Variants in CNTN4 observed in about 807,000 individuals in gnomAD.
The protein encoded by CNTN4 is contactin 4, also known as contactin-4.
A neutral mutation model predicts 122.5 loss-of-function variants in CNTN4; 77 were observed. The ratio of observed to expected loss-of-function variants is 0.63; its 90% CI spans 0.52 to 0.76. The LOEUF (loss-of-function observed/expected upper bound fraction) is 0.76. Ranked by LOEUF, CNTN4 falls within the 30% of genes least tolerant of loss-of-function variation. The probability of loss-of-function intolerance (pLI) is 0.00; values close to 1 mark genes in which losing one functional copy is unlikely to be tolerated. For missense variants in CNTN4, 1,256 were observed against 1,259.1 expected (o/e 1.00, Z 0.04); for synonymous variants, 512 against 447.0 (o/e 1.15, Z -1.83).
intron 4 of CNTN4, among the ~76,000 whole-genome samples, chr3:2,601,675 C>T (rs1366806667): frequency 6.6e-6 from 1 of 152,074 alleles, no homozygotes; most frequent in Non-Finnish European, 1.5e-5. Flanking sequence ...CTTAGGATTG[C>T]CTTGGCAATG....
intron 3 of CNTN4, among the ~76,000 whole-genome samples, chr3:2,499,589 T>C: frequency 6.6e-6 from 1 of 152,174 alleles, no homozygotes; most frequent in East Asian, 1.9e-4. Context: ...TATTCATTGA[T>C]CTATGTGTCT....
rs1028223644 is a variant in CNTN4 at position 3,043,605 on chromosome 3, C to A, written c.2712C>A (p.Pro904=). Residue 904 remains proline, a synonymous_variant, in exon 23 of 25, where the codon CCC becomes CCA. Transcript: ENST00000418658. ...ATTTTTTTATAGCACCAAGTCAACC[C>A]CCCGGAAACATCATATGGAATTCAT... ...VTTRKPPPSQ[P]PGNIIWNSSD... 5 of 1,613,262 alleles carry A rather than the reference C, an allele frequency of 3.1e-6. No individual in the cohort carries two copies. In the African/African-American group the frequency reaches 4.0e-5, roughly 13 times the overall value.
intron 2 of CNTN4, among the ~76,000 whole-genome samples, chr3:2,291,606 T>A (rs1201759699): frequency 6.6e-6 from 1 of 152,070 alleles, no homozygotes; most frequent in African/African-American, 2.4e-5. Context: ...AATATAAAAT[T>A]ATTAAAGGAT....
At chr3:2,480,544 T>C (rs763305751) in intron 3 of CNTN4, among the ~76,000 whole-genome samples, 1 of 152,210 alleles carries the variant, frequency 6.6e-6, no homozygotes, top group Non-Finnish European at 1.5e-5. Flanking sequence ...TGATATACTT[T>C]GATATAAATT....
At chr3:3,045,001 G>A (rs1168527351) in intron 23 of CNTN4, among the ~76,000 whole-genome samples, 1 of 152,194 alleles carries the variant, frequency 6.6e-6, no homozygotes, top group African/African-American at 2.4e-5. Flanking sequence ...CCCATGCCCG[G>A]CTCAGAGGGT....
At chr3:2,179,097 T>A (rs993844560) in intron 2 of CNTN4, among the ~76,000 whole-genome samples, 1 of 152,090 alleles carries the variant, frequency 6.6e-6, no homozygotes, top group African/African-American at 2.4e-5. Context: ...ATTATAAATG[T>A]CCTGTTATCA....
intron 2 of CNTN4, among the ~76,000 whole-genome samples, chr3:2,156,527 A>T (rs796351226): frequency 4.6e-5 from 7 of 152,218 alleles, no homozygotes; most frequent in African/African-American, 1.7e-4. Context: ...TCCATTACGC[A>T]TGTGGGACAT....
chr3:2,886,555 A>G (rs2093981833), intron 9 of CNTN4, among the ~76,000 whole-genome samples: 1 of 137,748 alleles, frequency 7.3e-6, no homozygotes, highest in South Asian at 2.4e-4. Context: ...TCTGTCGCCC[A>G]GGCTGGAGTG....
At chr3:2,336,307 TC>T (rs1373892487) in intron 2 of CNTN4, among the ~76,000 whole-genome samples, 4 of 152,136 alleles carry the variant, frequency 2.6e-5, no homozygotes, top group African/African-American at 4.8e-5. Flanking sequence ...CTGTTTCTTT[TC>T]TCCTAGTAAA....
chr3:2,781,532 A>G (rs1248079080), intron 6 of CNTN4, among the ~76,000 whole-genome samples: 5 of 152,172 alleles, frequency 3.3e-5, no homozygotes, highest in Non-Finnish European at 5.9e-5. Context: ...ATAGGTGACT[A>G]TGGCCTGTGA....
intron 7 of CNTN4, among the ~76,000 whole-genome samples, chr3:2,859,869 A>T (rs566510790): frequency 1.1e-4 from 17 of 152,306 alleles, no homozygotes; most frequent in African/African-American, 4.1e-4. Flanking sequence ...TGCACCCTAG[A>T]AAAATGCTCA....
At chr3:2,279,619 C>T (rs1281835045) in intron 2 of CNTN4, among the ~76,000 whole-genome samples, 1 of 152,114 alleles carries the variant, frequency 6.6e-6, no homozygotes, top group African/African-American at 2.4e-5. Context: ...GAATTAGATA[C>T]TTATTTTGTC....
intron 15 of CNTN4, among the ~76,000 whole-genome samples, chr3:3,027,986 A>C (rs187304165): frequency 7.9e-5 from 12 of 152,196 alleles, no homozygotes; most frequent in Admixed American, 7.9e-4. Flanking sequence ...AATACATAGA[A>C]AATTAAGGAC....
chr3:2,805,884 C>CTTTTT (rs1559523155), intron 6 of CNTN4, among the ~76,000 whole-genome samples: 1 of 152,040 alleles, frequency 6.6e-6, no homozygotes, highest in East Asian at 1.9e-4. Flanking sequence ...TCTCATAACA[C>CTTTTT]TTTTTGTTTT....
intron 6 of CNTN4, among the ~76,000 whole-genome samples, chr3:2,804,597 A>T (rs182387273): frequency 1.3e-5 from 2 of 152,348 alleles, no homozygotes; most frequent in Admixed American, 6.5e-5. Context: ...TTCAACCTAC[A>T]AGTGGCTGAA....
At chr3:2,603,298 A>G (rs963026664) in intron 4 of CNTN4, among the ~76,000 whole-genome samples, 1 of 152,208 alleles carries the variant, frequency 6.6e-6, no homozygotes, top group Non-Finnish European at 1.5e-5. Flanking sequence ...TTGAAAATAT[A>G]CAACATGAAA....
chr3:3,000,952 T>C (rs142269133), intron 14 of CNTN4, among the ~76,000 whole-genome samples: 2 of 152,040 alleles, frequency 1.3e-5, no homozygotes, highest in African/African-American at 4.8e-5. Context: ...GAAAAGGTTA[T>C]TCCGCTAATT....
At position 2,431,611 on chromosome 3, in the gene CNTN4, A is replaced by C. The variant is rs543872373; in HGVS notation, c.-89+92378A>C. Among the ~76,000 whole-genome samples, 515 of 152,284 alleles carry C rather than the reference A, an allele frequency of 3.4e-3. 9 individuals are homozygous for C. In the South Asian group the frequency reaches 0.034, roughly 10 times the overall value. ...TAATTAATCCAATCAACTCAGAGGG[A>C]CTGAACACGTGTTATGTGTCAGTCA... On this transcript the variant is annotated intron_variant, in intron 3 of 24. Coordinates refer to ENST00000418658, the MANE Select transcript of CNTN4 (RefSeq NM_175607.3).
At chr3:2,161,157 CAGAAGTCATTGAAATTTTAGGGATGAAT>C (rs2035950779) in intron 2 of CNTN4, among the ~76,000 whole-genome samples, 1 of 151,732 alleles carries the variant, frequency 6.6e-6, no homozygotes, top group Non-Finnish European at 1.5e-5. Flanking sequence ...GTACAGGAAG[CAGAAGTCATTGAAATTTTAGGGATGAAT>C]AGAAAGTCAT....
Sources: gnomAD v4.1 joint callset for allele counts (sites outside exome capture counted in the v4.1 genomes callset) on GRCh38, gnomAD v4.1.1 for gene constraint, MANE v1.5 for transcripts, NCBI Gene and HGNC (gene_info 2026-07-23, HGNC 2026-07-21) for gene names.